The following NOX4 variants were observed in gnomAD, a reference collection of about 807,000 sequenced individuals.
The protein encoded by NOX4 is kidney oxidase-1.
NOX4 carries 69 observed loss-of-function variants against 87.6 expected under a neutral mutation model. The ratio of observed to expected loss-of-function variants is 0.79; its 90% CI spans 0.65 to 0.96. The LOEUF is 0.96. Ranked by LOEUF, NOX4 falls within the 40% of genes least tolerant of loss-of-function variation. The pLI is 0.00. For synonymous variants in NOX4, 275 were observed against 238.2 expected, an observed-to-expected ratio of 1.15 and a Z score of -1.42; for missense variants, 680 against 681.5, an observed-to-expected ratio of 1.00 and a Z score of 0.02.
At chr11:89,445,458 G>A (rs1241431403) in intron 4 of NOX4, among the ~76,000 whole-genome samples, 1 of 152,112 alleles carries the variant, frequency 6.6e-6, no homozygotes, top group Non-Finnish European at 1.5e-5. Context: ...AGTAGGGGAA[G>A]AGTCAGGACT....
chr11:89,579,752 T>G, the NOX4 span, among the ~76,000 whole-genome samples: 2 of 152,076 alleles, frequency 1.3e-5, no homozygotes, highest in African/African-American at 4.8e-5. Flanking sequence ...ATAGGGAACT[T>G]TGTACTTCCT....
At chr11:89,458,210 C>T (rs1031993452) in intron 2 of NOX4, among the ~76,000 whole-genome samples, 2 of 152,002 alleles carry the variant, frequency 1.3e-5, no homozygotes, top group Non-Finnish European at 2.9e-5. Context: ...ACTGGCTAGC[C>T]ATTTGCAAAA....
At chr11:89,541,162 A>T in the NOX4 span, among the ~76,000 whole-genome samples, 1 of 152,088 alleles carries the variant, frequency 6.6e-6, no homozygotes, top group Admixed American at 6.6e-5. Flanking sequence ...TCTGTAGTTC[A>T]TTTCTCCATA....
Position 89,402,449 on chromosome 11 carries a change from C to T in NOX4, c.723G>A (p.Glu241=). The part of the protein sequence containing the change: ...RTSSQNISLP[E]YFSEHFHEPF... ...GTTCATGAAAATGTTCTGAGAAATA[C>T]TCTGGTAAGGAAATATTCTGAGAGC... The change falls in exon 9 of 18, where the codon GAG becomes GAA. Residue 241 remains glutamate, a synonymous_variant. Coordinates refer to ENST00000263317, the MANE Select transcript of NOX4 (RefSeq NM_016931.5). 1.2e-6 allele frequency: 2 copies of T among 1,612,858 alleles called. No homozygotes were observed. Among genetic ancestry groups the T allele is most frequent in the Non-Finnish European group, 1.7e-6 (2 of 1,179,466 alleles).
chr11:89,344,903 A>C (rs1475494635), intron 13 of NOX4, among the ~76,000 whole-genome samples: 1 of 152,166 alleles, frequency 6.6e-6, no homozygotes. Context: ...GAGGGGTATT[A>C]TATAAAGGTA....
chr11:89,375,680 T>C (rs745815540), intron 11 of NOX4, among the ~76,000 whole-genome samples: 1 of 152,158 alleles, frequency 6.6e-6, no homozygotes, highest in Non-Finnish European at 1.5e-5. Flanking sequence ...AAATATTATC[T>C]GCAAAAACCA....
chr11:89,471,687 G>A (rs759260120), intron 2 of NOX4, among the ~76,000 whole-genome samples: 1 of 152,110 alleles, frequency 6.6e-6, no homozygotes, highest in Non-Finnish European at 1.5e-5. Context: ...TTCAGTGAAG[G>A]ACTGATTAAA....
chr11:89,546,545 G>T, the NOX4 span: 1 of 152,106 alleles, frequency 6.6e-6, no homozygotes, highest in African/African-American at 2.4e-5. Context: ...AAACTTTTCA[G>T]TTTCTTATGG....
At chr11:89,482,177 C>T (rs954358065) in intron 2 of NOX4, among the ~76,000 whole-genome samples, 2 of 151,962 alleles carry the variant, frequency 1.3e-5, no homozygotes, top group Admixed American at 1.3e-4. Flanking sequence ...AGGAACATTA[C>T]AATACCTTCC....
rs1941911552 is a variant in NOX4 at position 89,402,363 on chromosome 11, C to T, written c.809G>A (p.Cys270Tyr). 3 of 1,613,020 alleles carry T rather than the reference C, an allele frequency of 1.9e-6. No homozygotes were observed. The highest frequency in any genetic ancestry group is 2.2e-5 in the East Asian group (1 of 44,810). Residue 270 changes from cysteine (C) to tyrosine (Y), a missense_variant, in exon 9 of 18, where the codon TGT becomes TAT. By Grantham distance (194) the Cys-to-Tyr change is radical (BLOSUM62 -2). Transcript: ENST00000263317. Reference protein sequence around the residue: ...EFTQHKFVKICMEEPRFQANF... With the variant: ...EFTQHKFVKIYMEEPRFQANF... Reference sequence around the variant, plus strand: ...AGCTTGGAATCTGGGCTCTTCCATACAAATCTTCACAAATTTGTGCTGGGT... The same window carrying T: ...AGCTTGGAATCTGGGCTCTTCCATATAAATCTTCACAAATTTGTGCTGGGT...
At chr11:89,483,057 A>G (rs1946456765) in intron 2 of NOX4, among the ~76,000 whole-genome samples, 1 of 152,120 alleles carries the variant, frequency 6.6e-6, no homozygotes, top group Admixed American at 6.6e-5. Context: ...AATTCTGTAA[A>G]AAGCAAATAG....
At chr11:89,542,763 T>A in the NOX4 span, among the ~76,000 whole-genome samples, 3 of 152,160 alleles carry the variant, frequency 2.0e-5, no homozygotes, top group Non-Finnish European at 4.4e-5. Context: ...AGGTTTCTAA[T>A]TAAAGTGTTG....
the NOX4 span, among the ~76,000 whole-genome samples, chr11:89,522,959 C>A: frequency 6.6e-6 from 1 of 152,140 alleles, no homozygotes; most frequent in Non-Finnish European, 1.5e-5. Flanking sequence ...ACTCACTTAG[C>A]TATACAAACT....
At chr11:89,497,689 A>G (rs1221071938) in intron 1 of NOX4, among the ~76,000 whole-genome samples, 2 of 152,150 alleles carry the variant, frequency 1.3e-5, no homozygotes, top group Non-Finnish European at 2.9e-5. Context: ...TCTATATCTG[A>G]CTAAATTGTG....
Position 89,373,559 on chromosome 11 carries a change from A to T in NOX4, c.1075-67T>A, listed in dbSNP as rs1591052460. 16 of 1,036,298 alleles carry T rather than the reference A, an allele frequency of 1.5e-5. No homozygotes were observed. The East Asian group carries it at 3.9e-4, about 25-fold the overall frequency. 64.2% of individuals were successfully genotyped at this position (1,036,298 alleles called of 1,614,324 possible). ...TAATATGAAATTATAATTCAATTACAACTTTTATCCTGATAGCAAGTCCCC... is the reference window on the plus strand; with the variant it reads ...TAATATGAAATTATAATTCAATTACTACTTTTATCCTGATAGCAAGTCCCC... On this transcript the variant is annotated intron_variant, in intron 11 of 17. Coordinates refer to ENST00000263317, the MANE Select transcript of NOX4 (RefSeq NM_016931.5).
the NOX4 span, among the ~76,000 whole-genome samples, chr11:89,517,567 T>C: frequency 3.3e-5 from 5 of 151,984 alleles, no homozygotes; most frequent in African/African-American, 1.2e-4. Flanking sequence ...TCTTGAATTA[T>C]TGGGCTCAAG....
intron 12 of NOX4, among the ~76,000 whole-genome samples, chr11:89,371,745 T>C (rs968798684): frequency 2.0e-5 from 3 of 151,912 alleles, no homozygotes; most frequent in Non-Finnish European, 4.4e-5. Context: ...CATATGTTCA[T>C]ACTCCACCAG....
At chr11:89,460,980 A>G (rs529900224) in intron 2 of NOX4, among the ~76,000 whole-genome samples, 1 of 152,364 alleles carries the variant, frequency 6.6e-6, no homozygotes, top group South Asian at 2.1e-4. Flanking sequence ...ATGCAGCCAT[A>G]AAAGATGATG....
At position 89,491,154 on chromosome 11, in the gene NOX4, G is replaced by A. The variant is rs776400152; in HGVS notation, c.57+36C>T. On this transcript the variant is annotated intron_variant, in intron 1 of 17. Coordinates refer to ENST00000263317, the MANE Select transcript of NOX4 (RefSeq NM_016931.5). ...AATGAATCAAAATCACTGCAGGACA[G>A]AGAGAACGCAAGGAGAGCCTAGCCC... is the stretch of plus-strand genomic sequence containing the variant. 1.9e-5 allele frequency: 30 copies of A among 1,601,792 alleles called. No homozygotes were observed. In the Admixed American group the frequency reaches 5.0e-4, roughly 27 times the overall value.
Sources: gnomAD v4.1 joint callset for allele counts (sites outside exome capture counted in the v4.1 genomes callset) on GRCh38, gnomAD v4.1.1 for gene constraint, MANE v1.5 for transcripts, NCBI Gene and HGNC (gene_info 2026-07-23, HGNC 2026-07-21) for gene names.